PDE4B: variants seen among roughly 807,000 people sequenced by gnomAD.
The protein encoded by PDE4B is 3',5'-cyclic-AMP phosphodiesterase 4B.
A neutral mutation model predicts 82.2 loss-of-function variants in PDE4B; 20 were observed. That is an observed-to-expected ratio of 0.24 (90% CI 0.17 to 0.35). The LOEUF is 0.35. Ranked by LOEUF, PDE4B falls within the 10% of genes least tolerant of loss-of-function variation. PDE4B has a pLI of 1.00. For synonymous variants in PDE4B, 320 were observed against 318.9 expected (o/e 1.00, Z -0.04); for missense variants, 655 against 907.2 (o/e 0.72, Z 3.57).
intron 12 of PDE4B, 37 bp downstream of exon 12, chr1:66,363,608 C>T: frequency 6.4e-7 from 1 of 1,550,624 alleles, no homozygotes; most frequent in Non-Finnish European, 8.8e-7. Context: ...TCCTGCCCAT[C>T]CTCCTTCAAA....
chr1:66,221,245 T>G (rs1381712134), intron 3 of PDE4B, among the ~76,000 whole-genome samples: 1 of 152,188 alleles, frequency 6.6e-6, no homozygotes, highest in Non-Finnish European at 1.5e-5. Context: ...CTAGCCTCTT[T>G]GCCCTTTAGT....
intron 3 of PDE4B, among the ~76,000 whole-genome samples, chr1:66,104,081 C>A (rs1645283798): frequency 6.9e-6 from 1 of 144,676 alleles, no homozygotes; most frequent in East Asian, 2.0e-4. Flanking sequence ...AAAGCTATCC[C>A]TCCTCCCTCC....
chr1:66,211,496 T>A (rs972098909), intron 3 of PDE4B, among the ~76,000 whole-genome samples: 1 of 152,234 alleles, frequency 6.6e-6, no homozygotes, highest in African/African-American at 2.4e-5. Flanking sequence ...AGATTAATTA[T>A]CTATGCTCCT....
At chr1:66,051,143 C>T (rs1163099036) in intron 3 of PDE4B, among the ~76,000 whole-genome samples, 1 of 151,934 alleles carries the variant, frequency 6.6e-6, no homozygotes, top group African/African-American at 2.4e-5. Context: ...TCTCTTATGG[C>T]ACATGTATAC....
intron 3 of PDE4B, among the ~76,000 whole-genome samples, chr1:66,044,535 T>TA (rs1288681458): frequency 2.6e-5 from 4 of 151,776 alleles, no homozygotes; most frequent in Admixed American, 6.6e-5. Flanking sequence ...GCGATATATA[T>TA]TTTTTAAGTA....
intron 3 of PDE4B, among the ~76,000 whole-genome samples, chr1:66,110,291 T>C (rs186389292): frequency 2.6e-5 from 4 of 152,084 alleles, no homozygotes; most frequent in African/African-American, 4.8e-5. Flanking sequence ...AAGTGTGAGA[T>C]GGAAGTATTT....
chr1:66,278,156 A>C (rs1287668849), intron 7 of PDE4B, among the ~76,000 whole-genome samples: 1 of 152,254 alleles, frequency 6.6e-6, no homozygotes, highest in Admixed American at 6.5e-5. Context: ...TTACTGAAAA[A>C]AGAATGAACA....
intron 1 of PDE4B, among the ~76,000 whole-genome samples, chr1:65,912,913 T>A (rs1452452951): frequency 6.6e-6 from 1 of 152,184 alleles, no homozygotes; most frequent in Non-Finnish European, 1.5e-5. Context: ...AATAAAATAT[T>A]TTATGGGAAT....
intron 1 of PDE4B, among the ~76,000 whole-genome samples, chr1:65,868,863 G>A (rs928645366): frequency 3.3e-5 from 5 of 152,184 alleles, no homozygotes; most frequent in African/African-American, 1.2e-4. Flanking sequence ...CACTTTTTAT[G>A]AGAATCTAAC....
intron 3 of PDE4B, among the ~76,000 whole-genome samples, chr1:66,089,236 A>T (rs1644961355): frequency 6.6e-6 from 1 of 152,144 alleles, no homozygotes. Context: ...GAGACAAGGT[A>T]TACAAAGTAC....
At chr1:65,986,993 A>C (rs1650987983) in intron 3 of PDE4B, among the ~76,000 whole-genome samples, 1 of 152,170 alleles carries the variant, frequency 6.6e-6, no homozygotes, top group Non-Finnish European at 1.5e-5. Flanking sequence ...CTGTGAACAA[A>C]AAGGAGGCCA....
chr1:65,876,070 G>A (rs1646639046), intron 1 of PDE4B, among the ~76,000 whole-genome samples: 1 of 152,060 alleles, frequency 6.6e-6, no homozygotes, highest in African/African-American at 2.4e-5. Context: ...ATTGATATAA[G>A]GTTGTGGGGG....
intron 8 of PDE4B, among the ~76,000 whole-genome samples, chr1:66,335,750 T>C (rs543138150): frequency 1.1e-4 from 17 of 152,298 alleles, no homozygotes; most frequent in African/African-American, 4.1e-4. Context: ...TACAAGGCAA[T>C]GGTATTGTTA....
At chr1:66,184,043 A>T (rs1647128500) in intron 3 of PDE4B, among the ~76,000 whole-genome samples, 1 of 152,158 alleles carries the variant, frequency 6.6e-6, no homozygotes, top group Non-Finnish European at 1.5e-5. Flanking sequence ...CTGAGGGATG[A>T]TGGGAATGAC....
At chr1:66,214,342 T>G (rs1033010999) in intron 3 of PDE4B, among the ~76,000 whole-genome samples, 7 of 152,186 alleles carry the variant, frequency 4.6e-5, no homozygotes, top group Non-Finnish European at 7.4e-5. Context: ...TCTGGCTTTT[T>G]TTTCCCTGTA....
chr1:66,261,568 A>G (rs1248299594), intron 6 of PDE4B, among the ~76,000 whole-genome samples: 4 of 152,190 alleles, frequency 2.6e-5, no homozygotes, highest in Non-Finnish European at 4.4e-5. Context: ...GGTTTATTGT[A>G]GGAAAAGGAA....
intron 3 of PDE4B, among the ~76,000 whole-genome samples, chr1:66,009,681 C>G (rs1652360947): frequency 6.6e-6 from 1 of 152,096 alleles, no homozygotes; most frequent in Non-Finnish European, 1.5e-5. Flanking sequence ...AAACTTTCTC[C>G]AGATATCTGT....
chr1:65,878,623 A>T (rs144189775), intron 1 of PDE4B, among the ~76,000 whole-genome samples: 236 of 152,278 alleles, frequency 1.5e-3, no homozygotes, highest in African/African-American at 5.1e-3. Context: ...CAGCAAATTA[A>T]CTCAGGAACA....
intron 1 of PDE4B, among the ~76,000 whole-genome samples, chr1:65,837,743 CTTTTA>C (rs1468464058): frequency 3.9e-5 from 6 of 152,076 alleles, no homozygotes; most frequent in Admixed American, 3.9e-4. Flanking sequence ...ATATTTTTAA[CTTTTA>C]TTTTAAGTTC....
Sources: allele counts gnomAD v4.1 joint callset (sites outside exome capture counted in the v4.1 genomes callset), GRCh38; gene constraint gnomAD v4.1.1; transcripts MANE v1.5; gene names NCBI Gene and HGNC (gene_info 2026-07-23, HGNC 2026-07-21).